The following TLR6 variants were observed in gnomAD, a reference collection of about 807,000 sequenced individuals.
TLR6 encodes the protein toll like receptor 6.
In TLR6, 9 loss-of-function variants were observed where a neutral mutation model predicts 16.1. That is an observed-to-expected ratio of 0.56 (90% CI 0.34 to 0.98). The LOEUF (loss-of-function observed/expected upper bound fraction) is 0.98, where lower values mean the gene tolerates loss of function less well. TLR6 is among the 50% of genes least tolerant of loss of function. TLR6 has a pLI of 0.02. For missense variants in TLR6, 786 were observed against 921.0 expected, an observed-to-expected ratio of 0.85 and a Z score of 1.90; for synonymous variants, 340 against 338.6, an observed-to-expected ratio of 1.00 and a Z score of -0.04.
upstream of TLR6, among the ~76,000 whole-genome samples, chr4:38,858,792 GGA>G (rs56086259): frequency 0.067 from 1,206 of 18,078 alleles, 101 homozygotes; most frequent in African/African-American, 0.24. Context: ...AGAGAGAGAG[GGA>G]GAGAGAGAGA....
rs5743820 is a variant in TLR6, at chr4:38,827,207, G to A, written c.2267C>T (p.Thr756Met). ...GGGCCACTGCAAATAAGTCCGCTGC[G>A]TCATGAGAGCCTTCAGCTTGTGGTA... is the stretch of plus-strand genomic sequence containing the variant. The change falls in exon 2 of 2, where the codon ACG becomes ATG. Residue 756 changes from threonine to methionine, a missense_variant. By Grantham distance (81) the Thr-to-Met change is moderately conservative (BLOSUM62 -1). Transcript: ENST00000436693. The A allele has an allele frequency of 9.2e-3, 14,854 of 1,614,166 alleles. 170 individuals carry two copies. The highest frequency in any genetic ancestry group is 0.056 in the Middle Eastern group (340 of 6,062).
chr4:38,844,321 T>C (rs939452869), intron 1 of TLR6, among the ~76,000 whole-genome samples: 2 of 152,210 alleles, frequency 1.3e-5, no homozygotes, highest in South Asian at 2.1e-4. Flanking sequence ...TGGGCAACGA[T>C]AGGAGAAGCT....
intron 1 of TLR6, among the ~76,000 whole-genome samples, chr4:38,830,502 T>G (rs574562398): frequency 1.1e-4 from 17 of 152,172 alleles, no homozygotes; most frequent in South Asian, 1.0e-3. Context: ...ATTGCTTGAG[T>G]CCAGGAGTTC....
intron 1 of TLR6, among the ~76,000 whole-genome samples, chr4:38,842,481 A>T (rs1191065581): frequency 6.6e-6 from 1 of 152,206 alleles, no homozygotes; most frequent in Non-Finnish European, 1.5e-5. Context: ...AAGCCCACAG[A>T]TCCCATGTTT....
chr4:38,858,877 AAGAAAGAAAGAG>A (rs796656621), upstream of TLR6, among the ~76,000 whole-genome samples: 13,072 of 120,002 alleles, frequency 0.11, 1,763 homozygotes, highest in Middle Eastern at 0.18. Context: ...GAAAGAAAGA[AAGAAAGAAAGAG>A]AGAAAGAAAG....
intron 1 of TLR6, among the ~76,000 whole-genome samples, chr4:38,831,028 G>GA (rs58030836): frequency 7.6e-4 from 110 of 144,282 alleles, no homozygotes; most frequent in Non-Finnish European, 1.2e-3. Flanking sequence ...TCATTCACAG[G>GA]AAAAAAAAAA....
intron 1 of TLR6, among the ~76,000 whole-genome samples, chr4:38,830,706 C>A (rs1711529338): frequency 1.3e-5 from 2 of 151,698 alleles, no homozygotes; most frequent in Non-Finnish European, 2.9e-5. Flanking sequence ...CAGAATGAGA[C>A]CCTGTCAAAA....
intron 1 of TLR6, among the ~76,000 whole-genome samples, chr4:38,849,107 G>C (rs1207647189): frequency 1.3e-5 from 2 of 152,208 alleles, no homozygotes; most frequent in Admixed American, 6.5e-5. Flanking sequence ...AGCCAGAAGA[G>C]AGTGGGGGCC....
intron 1 of TLR6, among the ~76,000 whole-genome samples, chr4:38,830,240 A>G (rs1727760158): frequency 6.6e-6 from 1 of 152,322 alleles, no homozygotes; most frequent in South Asian, 2.1e-4. Context: ...TGCTTTTGCT[A>G]GTTTATTTGG....
upstream of TLR6, among the ~76,000 whole-genome samples, chr4:38,858,896 AAAGAAAGAAAAG>A (rs1243467397): frequency 1.4e-3 from 206 of 147,418 alleles, no homozygotes; most frequent in African/African-American, 4.2e-3. Context: ...AGAGAGAAAG[AAAGAAAGAAAAG>A]AAAGAAAGAA....
chr4:38,854,133 C>A (rs1313240393), intron 1 of TLR6, among the ~76,000 whole-genome samples: 3 of 151,960 alleles, frequency 2.0e-5, no homozygotes, highest in African/African-American at 7.3e-5. Context: ...AATAATTTGC[C>A]AAAAATCAAT....
Position 38,841,996 on chromosome 4 carries a change from A to T in TLR6, c.-64-12459T>A, listed in dbSNP as rs184394410. ...AATGTCTTTTAAAGAATGTTTAAAA[A>T]TTTTTTTTTCAGAATTATATTTTCA... On this transcript the variant is annotated intron_variant, in intron 1 of 1. Coordinates refer to ENST00000436693, the Ensembl canonical transcript of TLR6. 2.8e-3 allele frequency among the ~76,000 whole-genome samples: 424 copies of T among 151,872 alleles called. 8 individuals are homozygous for T. In the East Asian group the frequency reaches 0.051, roughly 18 times the overall value.
chr4:38,841,951 G>A (rs73811210), intron 1 of TLR6, among the ~76,000 whole-genome samples: 2,698 of 152,112 alleles, frequency 0.018, 90 homozygotes, highest in African/African-American at 0.058. Context: ...CAAATAAATC[G>A]CCTTTCAAAA....
chr4:38,868,387 T>TC, the TLR6 span: 1 of 152,164 alleles, frequency 6.6e-6, no homozygotes, highest in Admixed American at 6.6e-5. Flanking sequence ...GCCTTACTCC[T>TC]CCCCCAACAG....
intron 1 of TLR6, among the ~76,000 whole-genome samples, chr4:38,848,998 G>A (rs956905524): frequency 1.3e-5 from 2 of 152,186 alleles, no homozygotes; most frequent in African/African-American, 2.4e-5. Context: ...AAAGTTGAAT[G>A]AAGGAAAAAA....
intron 1 of TLR6, among the ~76,000 whole-genome samples, chr4:38,835,710 A>AT (rs1711877729): frequency 6.6e-6 from 1 of 152,224 alleles, no homozygotes; most frequent in Non-Finnish European, 1.5e-5. Flanking sequence ...AGAATAGACC[A>AT]TATCTTAGGC....
At chr4:38,855,167 G>C (rs1234803306) in intron 1 of TLR6, among the ~76,000 whole-genome samples, 1 of 150,120 alleles carries the variant, frequency 6.7e-6, no homozygotes, top group African/African-American at 2.5e-5. Flanking sequence ...AGCCGAGATC[G>C]TGCCGCTGCA....
chr4:38,847,501 G>C (rs1712579940), intron 1 of TLR6, among the ~76,000 whole-genome samples: 1 of 67,698 alleles, frequency 1.5e-5, no homozygotes, highest in Non-Finnish European at 2.8e-5. Flanking sequence ...CCTCACCCGG[G>C]AAGCACAAGG....
At chr4:38,827,217 C>A in exon 2 of TLR6, 1 of 1,614,154 alleles carries the variant, frequency 6.2e-7, no homozygotes, top group Non-Finnish European at 8.5e-7. Flanking sequence ...GTCATGAGAG[C>A]CTTCAGCTTG....
Sources: gnomAD v4.1 joint callset for allele counts (sites outside exome capture counted in the v4.1 genomes callset) on GRCh38, gnomAD v4.1.1 for gene constraint, MANE v1.5 for transcripts, NCBI Gene and HGNC (gene_info 2026-07-23, HGNC 2026-07-21) for gene names.